The following VPS35L variants were observed in gnomAD, a reference collection of about 807,000 sequenced individuals.
VPS35L encodes the protein VPS35 endosomal protein-sorting factor-like.
In VPS35L, 83 loss-of-function variants were observed where a neutral mutation model predicts 133.0. That is an observed-to-expected ratio of 0.62 (90% CI 0.52 to 0.75). The LOEUF (loss-of-function observed/expected upper bound fraction) is 0.75. VPS35L is among the 30% of genes least tolerant of loss of function. The probability of loss-of-function intolerance (pLI) is 0.00; values close to 1 mark genes in which losing one functional copy is unlikely to be tolerated. For synonymous variants in VPS35L, 423 were observed against 449.9 expected (o/e 0.94, Z 0.76); for missense variants, 1,083 against 1,206.8 (o/e 0.90, Z 1.52).
chr16:19,581,749 A>T (rs754632916), intron 7 of VPS35L, 96 bp downstream of exon 7: 2 of 1,386,468 alleles, frequency 1.4e-6, no homozygotes. Flanking sequence ...GCAGGGTCTT[A>T]CTCTTGTTTT....
intron 11 of VPS35L, 123 bp downstream of exon 11, chr16:19,609,144 C>T: frequency 1.3e-6 from 1 of 793,910 alleles, no homozygotes; most frequent in Non-Finnish European, 2.1e-6. Context: ...TGTTAAGCAC[C>T]TTCTGTTCTT....
At chr16:19,579,842 AG>A (rs1971652305) in intron 6 of VPS35L, 1 of 151,980 alleles carries the variant, frequency 6.6e-6, no homozygotes, top group African/African-American at 2.4e-5. Flanking sequence ...TTGAAAAAAA[AG>A]TGAGTCTTTT....
At chr16:19,567,409 G>T (rs1971223025) in intron 2 of VPS35L, among the ~76,000 whole-genome samples, 1 of 152,186 alleles carries the variant, frequency 6.6e-6, no homozygotes, top group Admixed American at 6.6e-5. Context: ...TAGGTCTAAT[G>T]CTCACCTTGG....
At chr16:19,660,656 CA>C (rs761750105) in intron 26 of VPS35L, among the ~76,000 whole-genome samples, 13 of 152,152 alleles carry the variant, frequency 8.5e-5, no homozygotes, top group Admixed American at 3.3e-4. Flanking sequence ...TCCATATCAC[CA>C]ATGCCAACCA....
chr16:19,578,997 G>C (rs765534502), intron 5 of VPS35L, 55 bp from the exon 6 acceptor site: 3 of 1,415,016 alleles, frequency 2.1e-6, no homozygotes, highest in Admixed American at 1.7e-5. Context: ...GCCTCCACTG[G>C]GGGTATTGGT....
At chr16:19,611,628 G>A (rs905210860) in intron 12 of VPS35L, 2 of 152,150 alleles carry the variant, frequency 1.3e-5, no homozygotes, top group African/African-American at 2.4e-5. Context: ...GTGAGGAGCA[G>A]ATATCCATTA....
At chr16:19,637,450 C>T (rs773695148) in intron 19 of VPS35L, 144 bp from the exon 20 acceptor site, 2 of 559,946 alleles carry the variant, frequency 3.6e-6, no homozygotes, top group Admixed American at 3.3e-5. Context: ...CCAGGCTTAC[C>T]TTATTGTAGT....
chr16:19,611,388 C>G (rs758542979), intron 12 of VPS35L, among the ~76,000 whole-genome samples: 2 of 152,172 alleles, frequency 1.3e-5, no homozygotes, highest in Non-Finnish European at 1.5e-5. Context: ...TCTTCCCTAT[C>G]GTCCCATCAG....
chr16:19,689,226 C>T (rs1975579903), intron 28 of VPS35L, among the ~76,000 whole-genome samples: 1 of 151,662 alleles, frequency 6.6e-6, no homozygotes, highest in Non-Finnish European at 1.5e-5. Context: ...ATCCACCCGC[C>T]TCAGCCTCCC....
At chr16:19,691,552 T>C (rs1975687914) in intron 29 of VPS35L, 81 bp downstream of exon 29, 2 of 1,100,688 alleles carry the variant, frequency 1.8e-6, no homozygotes, top group East Asian at 4.8e-5. Flanking sequence ...TGGTTCATTC[T>C]AGAAAGGAAA....
Position 19,691,244 on chromosome 16 carries a change from G to A in VPS35L, c.2528-109G>A, listed in dbSNP as rs543834341. On this transcript the variant is annotated intron_variant, in intron 28 of 30. Coordinates refer to ENST00000417362, the MANE Select transcript of VPS35L (RefSeq NM_020314.7). The stretch of plus-strand genomic sequence containing the variant: ...CCGCCACTTCCATGTGCCCTGCCAC[G>A]ACTTCCTGCCATCTGCTGACTCGGT... 111 of 855,146 alleles carry A rather than the reference G, an allele frequency of 1.3e-4. No individual in the cohort carries two copies. In the African/African-American group the frequency reaches 1.5e-3, roughly 12 times the overall value. The allele number at this position is 855,146 out of a possible 1,614,324, so 53.0% of individuals were successfully genotyped here.
In VPS35L at chr16:19,565,361, G is replaced by A. The variant is rs150101435; in HGVS notation, c.117+411G>A. 1.9e-4 allele frequency among the ~76,000 whole-genome samples: 28 copies of A among 148,248 alleles called. 1 individual carries two copies. Among genetic ancestry groups the A allele is most frequent in the African/African-American group, 6.5e-4 (26 of 39,952 alleles). ...ACCGTGCCCAGCCTGATTTATTTTTGAGATGGAGTTTCACTTTGTAGCCCA... is the reference window on the plus strand; with the variant it reads ...ACCGTGCCCAGCCTGATTTATTTTTAAGATGGAGTTTCACTTTGTAGCCCA... On this transcript the variant is annotated intron_variant, in intron 2 of 30. Coordinates refer to ENST00000417362, the MANE Select transcript of VPS35L (RefSeq NM_020314.7).
rs1332927138 is a variant in VPS35L, at chr16:19,633,254, C to A, written c.1635+82C>A. 3 of 1,225,484 alleles carry A rather than the reference C, an allele frequency of 2.4e-6. No individual in the cohort carries two copies. The highest frequency in any genetic ancestry group is 3.6e-6 in the Non-Finnish European group (3 of 831,198). The allele number at this position is 1,225,484 out of a possible 1,614,324, so 75.9% of individuals were successfully genotyped here. A position where few individuals can be genotyped will look rare whatever the true frequency, so the allele number is the denominator to read the frequency against. On this transcript the variant is annotated intron_variant, in intron 19 of 30. Coordinates refer to ENST00000417362, the MANE Select transcript of VPS35L (RefSeq NM_020314.7). This position sits in a 1 kb window ranked among gnomAD's most constrained non-coding sequence, Gnocchi z 4.1. ...AAATAGGCGTGTTGTATGGGTCAGG[C>A]TATAAAGGCACATAATCCTGTGTTT...
chr16:19,642,957 G>A (rs1973831330), intron 22 of VPS35L, among the ~76,000 whole-genome samples: 1 of 152,150 alleles, frequency 6.6e-6, no homozygotes, highest in Non-Finnish European at 1.5e-5. Flanking sequence ...TTTAAAATAT[G>A]TTTTCGTTTG....
At chr16:19,631,330 T>C (rs181261943) in intron 18 of VPS35L, among the ~76,000 whole-genome samples, 1 of 152,104 alleles carries the variant, frequency 6.6e-6, no homozygotes, top group East Asian at 1.9e-4. Flanking sequence ...GAGTAAGAAA[T>C]AGGAAATAAG....
intron 1 of VPS35L, among the ~76,000 whole-genome samples, chr16:19,557,472 G>T (rs542483862): frequency 6.6e-6 from 1 of 152,056 alleles, no homozygotes; most frequent in Non-Finnish European, 1.5e-5. Context: ...CGCAACCTCC[G>T]CCTCCCGGCT....
Position 19,626,241 on chromosome 16 carries a change from C to A in VPS35L, c.1271+18C>A. 2 of 1,587,678 alleles carry A rather than the reference C, an allele frequency of 1.3e-6. No homozygotes were observed. The highest frequency in any genetic ancestry group is 1.1e-5 in the South Asian group (1 of 89,444). ...GGAAACAAGTAAGTATTTTAAGATT[C>A]ATAAAGCATGAGTTTGAAAATGGCG... On this transcript the variant is annotated intron_variant, in intron 15 of 30. Coordinates refer to ENST00000417362, the MANE Select transcript of VPS35L (RefSeq NM_020314.7).
chr16:19,682,030 G>A (rs1389525522), intron 27 of VPS35L, among the ~76,000 whole-genome samples, 195 bp from the exon 28 acceptor site: 1 of 152,116 alleles, frequency 6.6e-6, no homozygotes, highest in Non-Finnish European at 1.5e-5. Flanking sequence ...GTGTTGATTC[G>A]TGGGAATCAC....
At chr16:19,676,153 G>A (rs1199483357) in intron 27 of VPS35L, among the ~76,000 whole-genome samples, 1 of 152,154 alleles carries the variant, frequency 6.6e-6, no homozygotes, top group African/African-American at 2.4e-5. Context: ...TCAGGAGGCT[G>A]AGGCAGGAGA....
Sources: gnomAD v4.1 joint callset for allele counts (sites outside exome capture counted in the v4.1 genomes callset) on GRCh38, gnomAD v4.1.1 for gene constraint, Gnocchi (gnomAD v3.1) non-coding constraint, MANE v1.5 for transcripts, NCBI Gene and HGNC (gene_info 2026-07-23, HGNC 2026-07-21) for gene names.